The following SYT1 variants were observed in gnomAD, a reference collection of about 807,000 sequenced individuals.
The protein encoded by SYT1 is synaptotagmin-1.
A neutral mutation model predicts 44.8 loss-of-function variants in SYT1; 8 were observed. The observed-to-expected ratio is 0.18, with a 90% CI of 0.10 to 0.32. The LOEUF is 0.32. SYT1 is among the 10% of genes least tolerant of loss of function. The probability of loss-of-function intolerance (pLI) is 1.00; values close to 1 mark genes in which losing one functional copy is unlikely to be tolerated. For missense variants in SYT1, 286 were observed against 509.3 expected (o/e 0.56, Z 4.22); for synonymous variants, 154 against 188.8 (o/e 0.82, Z 1.51).
chr12:79,062,759 T>C (rs1287583408), intron 3 of SYT1, among the ~76,000 whole-genome samples: 1 of 152,126 alleles, frequency 6.6e-6, no homozygotes. Flanking sequence ...TTCTGTGAGA[T>C]TTTCCTAAAA....
chr12:79,121,938 T>G (rs1359939437), intron 3 of SYT1, among the ~76,000 whole-genome samples: 1 of 152,168 alleles, frequency 6.6e-6, no homozygotes, highest in Non-Finnish European at 1.5e-5. Context: ...TACAAAAAAG[T>G]GAAAAGCCCT....
intron 3 of SYT1, among the ~76,000 whole-genome samples, chr12:79,180,647 A>G (rs1872477372): frequency 6.6e-6 from 1 of 151,890 alleles, no homozygotes; most frequent in Non-Finnish European, 1.5e-5. Flanking sequence ...GGAGCAAGAG[A>G]GAGTGAAGGG....
chr12:79,439,638 C>G (rs969578863), intron 9 of SYT1, among the ~76,000 whole-genome samples: 2 of 152,126 alleles, frequency 1.3e-5, no homozygotes, highest in Non-Finnish European at 2.9e-5. Context: ...ATGAAATGTG[C>G]CAGCCACACT....
intron 3 of SYT1, among the ~76,000 whole-genome samples, chr12:79,110,702 T>G (rs1157180181): frequency 6.6e-6 from 1 of 152,166 alleles, no homozygotes. Flanking sequence ...AATTGAAGTA[T>G]AACATGAATT....
chr12:78,926,203 T>C (rs988747608), intron 1 of SYT1, among the ~76,000 whole-genome samples: 1 of 152,086 alleles, frequency 6.6e-6, no homozygotes, highest in Non-Finnish European at 1.5e-5. Context: ...ATAAGGTTTC[T>C]AGATTAAGTC....
chr12:79,027,771 A>T (rs1872619633), intron 2 of SYT1, among the ~76,000 whole-genome samples: 1 of 151,614 alleles, frequency 6.6e-6, no homozygotes, highest in African/African-American at 2.4e-5. Flanking sequence ...AAGCTTTATT[A>T]AGATACATTC....
intron 3 of SYT1, among the ~76,000 whole-genome samples, chr12:79,114,460 A>G (rs1182700897): frequency 6.6e-6 from 1 of 152,096 alleles, no homozygotes; most frequent in Non-Finnish European, 1.5e-5. Context: ...ATTGGGAGGT[A>G]AGGGGGCTGA....
chr12:79,106,059 C>T (rs1878701201), intron 3 of SYT1, among the ~76,000 whole-genome samples: 1 of 152,022 alleles, frequency 6.6e-6, no homozygotes, highest in African/African-American at 2.4e-5. Context: ...GGGAAGGAAC[C>T]AGTTTGAGTC....
At chr12:79,028,925 G>A (rs1395719763) in intron 2 of SYT1, among the ~76,000 whole-genome samples, 1 of 151,028 alleles carries the variant, frequency 6.6e-6, no homozygotes, top group Non-Finnish European at 1.5e-5. Flanking sequence ...CATTCAAGGT[G>A]GAATAATAAC....
At chr12:79,308,330 G>C (rs1363546823) in intron 8 of SYT1, among the ~76,000 whole-genome samples, 1 of 151,998 alleles carries the variant, frequency 6.6e-6, no homozygotes, top group African/African-American at 2.4e-5. Context: ...TTCGAGACCA[G>C]CCTGACCAAC....
At chr12:79,346,845 A>G (rs1163041503) in intron 8 of SYT1, among the ~76,000 whole-genome samples, 2 of 152,156 alleles carry the variant, frequency 1.3e-5, no homozygotes, top group Non-Finnish European at 2.9e-5. Flanking sequence ...ATGTGCCTGG[A>G]GCTAGGCATA....
chr12:78,887,304 T>C (rs1018089353), intron 1 of SYT1, among the ~76,000 whole-genome samples: 1 of 151,912 alleles, frequency 6.6e-6, no homozygotes, highest in Admixed American at 6.6e-5. Context: ...TGACTATCGG[T>C]ATTACAGTGA....
At chr12:78,974,262 A>G (rs1868648146) in intron 1 of SYT1, among the ~76,000 whole-genome samples, 1 of 151,582 alleles carries the variant, frequency 6.6e-6, no homozygotes, top group African/African-American at 2.4e-5. Flanking sequence ...TTATGAGACC[A>G]TCATCTTAAA....
chr12:79,368,795 T>C (rs1294633091), intron 9 of SYT1, among the ~76,000 whole-genome samples: 1 of 152,188 alleles, frequency 6.6e-6, no homozygotes, highest in Non-Finnish European at 1.5e-5. Context: ...ATTCTGGATA[T>C]TAGCCCTTTG....
At chr12:79,112,189 A>G (rs370591805) in intron 3 of SYT1, among the ~76,000 whole-genome samples, 6 of 152,072 alleles carry the variant, frequency 3.9e-5, no homozygotes, top group African/African-American at 1.4e-4. Flanking sequence ...TTGTGGACTC[A>G]AAAGAAAGAG....
At chr12:79,240,688 TAG>T (rs1398233127) in intron 4 of SYT1, among the ~76,000 whole-genome samples, 1 of 152,176 alleles carries the variant, frequency 6.6e-6, no homozygotes, top group Non-Finnish European at 1.5e-5. Context: ...TAGGAAGAAG[TAG>T]AGTTTCTGTG....
rs572751481 is a variant in SYT1 at position 78,974,403 on chromosome 12, T to C, written c.-216-3396T>C. Among the ~76,000 whole-genome samples the C allele has an allele frequency of 3.0e-4, 46 of 152,048 alleles. 1 individual carries two copies. In the South Asian group the frequency reaches 8.7e-3, roughly 29 times the overall value. ...AGATCAATCTACTAAACATCAGGTCTTCCGAAAATTATTATTATTATTTTA... is the reference window on the plus strand; with the variant it reads ...AGATCAATCTACTAAACATCAGGTCCTCCGAAAATTATTATTATTATTTTA... On this transcript the variant is annotated intron_variant, in intron 1 of 10. Transcript: ENST00000261205.
chr12:79,231,764 G>A (rs1463114171), intron 4 of SYT1, among the ~76,000 whole-genome samples: 1 of 152,122 alleles, frequency 6.6e-6, no homozygotes, highest in East Asian at 1.9e-4. Flanking sequence ...TTTTAAATCA[G>A]TTAACTATTG....
At chr12:79,328,845 CAAAAAAA>C (rs986493458) in intron 8 of SYT1, among the ~76,000 whole-genome samples, 1 of 92,192 alleles carries the variant, frequency 1.1e-5, no homozygotes, top group Non-Finnish European at 2.3e-5. Context: ...GACTCCATCT[CAAAAAAA>C]AAAAAAAAAA....
Sources: gnomAD v4.1 joint callset for allele counts (sites outside exome capture counted in the v4.1 genomes callset) on GRCh38, gnomAD v4.1.1 for gene constraint, MANE v1.5 for transcripts, NCBI Gene and HGNC (gene_info 2026-07-23, HGNC 2026-07-21) for gene names.